The following RGS16 variants were observed in gnomAD, a reference collection of about 807,000 sequenced individuals.
RGS16 encodes hRGS-r.
In RGS16, 12 loss-of-function variants were observed where a neutral mutation model predicts 18.1. The observed-to-expected ratio is 0.66, with a 90% CI of 0.42 to 1.07. RGS16 has a LOEUF of 1.07. Ranked by LOEUF, RGS16 falls within the 50% of genes least tolerant of loss-of-function variation. The probability of loss-of-function intolerance (pLI) is 0.00; values close to 1 mark genes in which losing one functional copy is unlikely to be tolerated. For missense variants in RGS16, 238 were observed against 249.2 expected, an observed-to-expected ratio of 0.95 and a Z score of 0.30; for synonymous variants, 88 against 102.0, an observed-to-expected ratio of 0.86 and a Z score of 0.83.
intron 3 of RGS16, 80 bp from the exon 4 acceptor site, chr1:182,602,212 A>G: frequency 1.4e-6 from 2 of 1,452,594 alleles, no homozygotes; most frequent in Non-Finnish European, 1.9e-6. Flanking sequence ...AGCAATTGCA[A>G]TTAATGGCTC....
chr1:182,600,332 G>A lies in RGS16; in HGVS notation c.569C>T (p.Thr190Ile). ...CTCGTCCAGGCTGCAGCTGGACAGAGTGGCAGAGGCGGCTGAGGCTTGGGC... is the reference window on the plus strand; with the variant it reads ...CTCGTCCAGGCTGCAGCTGGACAGAATGGCAGAGGCGGCTGAGGCTTGGGC... ...LAAQASAASA[T>I]LSSCSLDEPS... The change falls in exon 5 of 5, where the codon ACT (threonine) becomes ATT (isoleucine). Residue 190 changes from threonine to isoleucine, a missense_variant. Coordinates refer to ENST00000367558, the MANE Select transcript of RGS16 (RefSeq NM_002928.4). 1.9e-6 allele frequency: 3 copies of A among 1,614,010 alleles called. No individual in the cohort carries two copies. The highest frequency in any genetic ancestry group is 2.2e-5 in the South Asian group (2 of 91,068).
intron 4 of RGS16, 44 bp downstream of exon 4, chr1:182,601,922 C>T (rs1661870214): frequency 6.2e-7 from 1 of 1,609,482 alleles, no homozygotes; most frequent in Non-Finnish European, 8.5e-7. Flanking sequence ...GGGGAAGGAG[C>T]AGGCAGGGTC....
rs1420225733 is a variant in RGS16, at chr1:182,600,415, C to T, written c.486G>A (p.Leu162=). 6.2e-7 allele frequency: 1 copy of T among 1,614,062 alleles called. No individual in the cohort carries two copies. ...AGCGTGGGTAGGAGTCCTTCTCCAT[C>T]AGGGTACGTGTCTTCCCCTGAGCCG... The part of the protein sequence containing the change: ...FDAAQGKTRT[L]MEKDSYPRFL... Residue 162 remains leucine, a synonymous_variant, in exon 5 of 5, where the codon CTG becomes CTA. Coordinates refer to ENST00000367558, the MANE Select transcript of RGS16 (RefSeq NM_002928.4).
At chr1:182,602,242 T>G in intron 3 of RGS16, 110 bp from the exon 4 acceptor site, 1 of 1,298,702 alleles carries the variant, frequency 7.7e-7, no homozygotes, top group Non-Finnish European at 1.1e-6. Context: ...AACATAATTT[T>G]CTTGAACAAT....
chr1:182,602,380 A>C, intron 3 of RGS16, 40 bp downstream of exon 3: 1 of 1,579,544 alleles, frequency 6.3e-7, no homozygotes, highest in Non-Finnish European at 8.7e-7. Context: ...ATGAGTACAC[A>C]TGTGCCACCC....
In RGS16 at chr1:182,602,110, AG is replaced by A. The variant is rs1159674243; in HGVS notation, c.242del (p.Ala81ValfsTer3). 1 of 1,614,194 alleles carries A rather than the reference AG, an allele frequency of 6.2e-7. No homozygotes were observed. Among genetic ancestry groups the A allele is most frequent in the South Asian group, 1.1e-5 (1 of 91,080 alleles). ...SSKNGVAAFH[A>X]FLKTEFSEEN... ...CCTCACTGAACTCTGTCTTCAGGAA[AG>A]CGTGGAAGGCAGCCACTCCATCTGG... On this transcript the variant is annotated frameshift_variant, in exon 4 of 5. Coordinates refer to ENST00000367558, the MANE Select transcript of RGS16 (RefSeq NM_002928.4). LOFTEE classifies it high-confidence loss of function.
At position 182,604,343 on chromosome 1, in the gene RGS16, G is replaced by A. The variant is rs770138736; in HGVS notation, c.-84C>T. 1.4e-6 allele frequency: 2 copies of A among 1,381,984 alleles called. No homozygotes were observed. The highest frequency in any genetic ancestry group is 2.0e-6 in the Non-Finnish European group (2 of 1,023,352). 85.6% of individuals were successfully genotyped at this position (1,381,984 alleles called of 1,614,324 possible). On this transcript the variant is annotated 5_prime_UTR_variant, in exon 1 of 5. Transcript: ENST00000367558. Reference sequence around the variant, plus strand: ...CGCGTGCGCCAGGAAGCAAAGGCGCGGTAGCAGGTGCTAGTCAACTGCGGT... The same window carrying A: ...CGCGTGCGCCAGGAAGCAAAGGCGCAGTAGCAGGTGCTAGTCAACTGCGGT...
At position 182,604,162 on chromosome 1, in the gene RGS16, A is replaced by G. The variant is rs1353638620; in HGVS notation, c.44+54T>C. ...CCCAGGTCCCCAGGCCTGCCGCTCC[A>G]CTCCCTAAGAGTTGGTGGGACTTCC... is the stretch of plus-strand genomic sequence containing the variant. On this transcript the variant is annotated intron_variant, in intron 1 of 4. Transcript: ENST00000367558. 4 of 1,542,782 alleles carry G rather than the reference A, an allele frequency of 2.6e-6. No individual in the cohort carries two copies. In the African/African-American group the frequency reaches 5.5e-5, roughly 21 times the overall value.
rs1235363441 is a variant in RGS16 at position 182,602,027 on chromosome 1, T to C, written c.326A>G (p.Lys109Arg). The change falls in exon 4 of 5, where the codon AAG becomes AGG. Residue 109 changes from lysine (K) to arginine (R), a missense_variant. By Grantham distance (26) the Lys-to-Arg change is conservative. Transcript: ENST00000367558. ...GATCTGGTGTGCCCTGGAGGCCAGC[T>C]TGGTAGCTGATCGGATCTTCTTGAA... Reference protein sequence around the residue: ...EEFKKIRSATKLASRAHQIFE... With the variant: ...EEFKKIRSATRLASRAHQIFE... 6.2e-7 allele frequency: 1 copy of C among 1,614,150 alleles called. No homozygotes were observed. The highest frequency in any genetic ancestry group is 1.7e-5 in the Admixed American group (1 of 60,032).
Position 182,603,250 on chromosome 1 carries a change from C to A in RGS16, c.134G>T (p.Gly45Val). Residue 45 changes from glycine (G) to valine (V), a missense_variant, in exon 2 of 5, where the codon GGC (glycine) becomes GTC (valine). Coordinates refer to ENST00000367558, the MANE Select transcript of RGS16 (RefSeq NM_002928.4). ...TTACTTCTCTTTGCTGTGTTTACTG[C>A]CCCACTCGAACTTGCCAGTACTCCC... ...DTGSTGKFEWGSKHSKENRNF... is the reference protein window; with the variant it reads ...DTGSTGKFEWVSKHSKENRNF... 6.2e-7 allele frequency: 1 copy of A among 1,613,356 alleles called. No homozygotes were observed. The highest frequency in any genetic ancestry group is 8.5e-7 in the Non-Finnish European group (1 of 1,179,232).
rs1314119078 is a variant in RGS16, at chr1:182,600,462, C to T, written c.439G>A (p.Ala147Thr). The T allele has an allele frequency of 6.2e-7, 1 of 1,613,934 alleles. No homozygotes were observed. The highest frequency in any genetic ancestry group is 1.3e-5 in the African/African-American group (1 of 74,886). Residue 147 changes from alanine to threonine, a missense_variant, in exon 5 of 5, where the codon GCC (alanine) becomes ACC (threonine). Transcript: ENST00000367558. ...GCCGCATCAAAGCATGTGGCTGTGG[C>T]AGTCTGCAGGTTCATCCTCGTCAGC... Reference protein sequence around the residue: ...HELTRMNLQTATATCFDAAQG... With the variant: ...HELTRMNLQTTTATCFDAAQG...
chr1:182,603,386 C>T, intron 1 of RGS16, 47 bp from the exon 2 acceptor site: 1 of 1,522,696 alleles, frequency 6.6e-7, no homozygotes, highest in Non-Finnish European at 9.1e-7. Context: ...ATTTGCTCAG[C>T]CAGTGTGGAG....
At chr1:182,602,369 C>A in intron 3 of RGS16, 51 bp downstream of exon 3, 1 of 1,521,192 alleles carries the variant, frequency 6.6e-7, no homozygotes, top group South Asian at 1.1e-5. Flanking sequence ...CTCCAAAGCA[C>A]ATGAGTACAC....
rs918719468 is a variant in RGS16 at position 182,604,330 on chromosome 1, G to A, written c.-71C>T. The A allele has an allele frequency of 2.0e-6, 3 of 1,464,906 alleles. No individual in the cohort carries two copies. Among genetic ancestry groups the A allele is most frequent in the East Asian group, 5.2e-5 (2 of 38,636 alleles). The allele number at this position is 1,464,906 out of a possible 1,614,324, so 90.7% of individuals were successfully genotyped here. ...CTCCAGGAGGCTCCGCGTGCGCCAG[G>A]AAGCAAAGGCGCGGTAGCAGGTGCT... On this transcript the variant is annotated 5_prime_UTR_variant, in exon 1 of 5. Coordinates refer to ENST00000367558, the MANE Select transcript of RGS16 (RefSeq NM_002928.4).
intron 3 of RGS16, 103 bp downstream of exon 3, chr1:182,602,317 C>T (rs1661879480): frequency 1.8e-6 from 2 of 1,095,794 alleles, no homozygotes; most frequent in Middle Eastern, 2.1e-4. Flanking sequence ...ATTATTACTA[C>T]TACTATTATT....
At chr1:182,600,632 G>C in intron 4 of RGS16, 119 bp from the exon 5 acceptor site, 1 of 769,194 alleles carries the variant, frequency 1.3e-6, no homozygotes, top group South Asian at 1.6e-5. Context: ...GGAAGTGGGG[G>C]CTCCTGAGTT....
At chr1:182,600,707 T>C in intron 4 of RGS16, among the ~76,000 whole-genome samples, 194 bp from the exon 5 acceptor site, 1 of 152,148 alleles carries the variant, frequency 6.6e-6, no homozygotes, top group East Asian at 1.9e-4. Flanking sequence ...CTCCAATCTC[T>C]CAGAATTAAC....
At chr1:182,601,582 T>TCACAGAC (rs1034556967) in intron 4 of RGS16, among the ~76,000 whole-genome samples, 1 of 152,156 alleles carries the variant, frequency 6.6e-6, no homozygotes. Context: ...GACAAAAAAA[T>TCACAGAC]CACAGACCAC....
At chr1:182,604,074 A>G (rs537847424) in intron 1 of RGS16, 142 bp downstream of exon 1, 2 of 759,332 alleles carry the variant, frequency 2.6e-6, no homozygotes, top group African/African-American at 3.6e-5. Context: ...GAATCTGAGC[A>G]CGTGGCATCA....
Sources: gnomAD v4.1 joint callset for allele counts (sites outside exome capture counted in the v4.1 genomes callset) on GRCh38, gnomAD v4.1.1 for gene constraint, MANE v1.5 for transcripts, NCBI Gene and HGNC (gene_info 2026-07-23, HGNC 2026-07-21) for gene names.